ROBO2: variants seen among roughly 807,000 people sequenced by gnomAD.
ROBO2 encodes the protein roundabout guidance receptor 2.
A neutral mutation model predicts 160.8 loss-of-function variants in ROBO2; 53 were observed. That is an observed-to-expected ratio of 0.33 (90% confidence interval 0.26 to 0.41). ROBO2 has a LOEUF of 0.41. ROBO2 is among the 10% of genes least tolerant of loss of function. ROBO2 has a pLI of 1.00. For missense variants in ROBO2, 1,577 were observed against 1,722.4 expected (o/e 0.92, Z 1.49); for synonymous variants, 664 against 611.7 (o/e 1.09, Z -1.26).
chr3:77,114,630 A>G (rs1261797472), intron 2 of ROBO2, among the ~76,000 whole-genome samples: 1 of 152,166 alleles, frequency 6.6e-6, no homozygotes, highest in Non-Finnish European at 1.5e-5. Flanking sequence ...GGTCTAAGGC[A>G]AATGGTTTTT....
intron 5 of ROBO2, among the ~76,000 whole-genome samples, chr3:77,514,097 G>T (rs2089729426): frequency 6.6e-6 from 1 of 150,824 alleles, no homozygotes. Flanking sequence ...CTTCTACATT[G>T]ACACTGATCA....
intron 2 of ROBO2, among the ~76,000 whole-genome samples, chr3:76,478,019 TTTA>T (rs147308707): frequency 1.8e-4 from 27 of 148,924 alleles, no homozygotes; most frequent in African/African-American, 2.2e-4. Context: ...CCGCTACTTC[TTTA>T]TTATTATTAT....
rs531694433 is a variant in ROBO2, at chr3:77,198,139, T to G, written c.388+99799T>G. ...AATGAATCGATTACTACGGGCACAG[T>G]TTTTCAAATTTTGATAACCCATAAG... On this transcript the variant is annotated intron_variant, in intron 2 of 25. Transcript: ENST00000461745. 5.3e-5 allele frequency among the ~76,000 whole-genome samples: 8 copies of G among 152,268 alleles called. No individual in the cohort carries two copies. In the South Asian group the frequency reaches 1.5e-3, roughly 28 times the overall value.
intron 5 of ROBO2, among the ~76,000 whole-genome samples, chr3:77,516,476 A>G (rs1420759174): frequency 6.6e-6 from 1 of 151,656 alleles, no homozygotes; most frequent in Non-Finnish European, 1.5e-5. Context: ...AAAGCATGGA[A>G]CAAAACACAA....
intron 2 of ROBO2, among the ~76,000 whole-genome samples, chr3:75,984,244 G>C (rs1272982525): frequency 1.3e-5 from 2 of 151,580 alleles, no homozygotes; most frequent in Non-Finnish European, 3.0e-5. Context: ...CTTTAAAGGA[G>C]TTATTAGACT....
rs141808668 is a variant in ROBO2 at position 77,386,104 on chromosome 3, G to A, written c.389-91310G>A. Among the ~76,000 whole-genome samples, 264 of 152,204 alleles carry A rather than the reference G, an allele frequency of 1.7e-3. 2 individuals carry two copies. Among genetic ancestry groups the A allele is most frequent in the African/African-American group, 6.0e-3 (248 of 41,518 alleles). The stretch of plus-strand genomic sequence containing the variant: ...ATATGCTTAACAGTACATCCACTGC[G>A]TACTGTGCTAAGTATTTTACCTGCA... On this transcript the variant is annotated intron_variant, in intron 2 of 25. Transcript: ENST00000461745.
rs111511856 is a variant in ROBO2 at position 75,913,949 on chromosome 3, G to T, written c.-14+6989G>T. On this transcript the variant is annotated intron_variant, in intron 1 of 26. Transcript: ENST00000487694. ...ATAGACTTCTAGAAGAAATTTAATG[G>T]TCATGTCAGCCTTTGAAATCTTTCT... is the stretch of plus-strand genomic sequence containing the variant. Among the ~76,000 whole-genome samples the T allele has an allele frequency of 3.3e-3, 506 of 152,156 alleles. 1 individual carries two copies. The highest frequency in any genetic ancestry group is 0.012 in the African/African-American group (494 of 41,540).
chr3:76,079,912 T>A (rs1356045586), intron 2 of ROBO2, among the ~76,000 whole-genome samples: 1 of 152,102 alleles, frequency 6.6e-6, no homozygotes, highest in African/African-American at 2.4e-5. Flanking sequence ...AATCTTGTAA[T>A]CTGGAAAATG....
chr3:76,269,725 T>A (rs570497722), intron 2 of ROBO2, among the ~76,000 whole-genome samples: 1 of 152,198 alleles, frequency 6.6e-6, no homozygotes, highest in Admixed American at 6.5e-5. Context: ...GCTTTCAGAT[T>A]TTTATGAAAT....
chr3:77,120,981 G>A (rs1306213219), intron 2 of ROBO2, among the ~76,000 whole-genome samples: 4 of 152,064 alleles, frequency 2.6e-5, no homozygotes, highest in Non-Finnish European at 5.9e-5. Flanking sequence ...GTCTCACTTT[G>A]TCACCCAGGC....
chr3:77,089,905 G>A (rs1176641124), intron 1 of ROBO2, among the ~76,000 whole-genome samples: 1 of 152,172 alleles, frequency 6.6e-6, no homozygotes, highest in Non-Finnish European at 1.5e-5. Context: ...TTGATGGCAT[G>A]ATTCATTAAT....
chr3:77,530,368 A>G (rs1336577196), intron 6 of ROBO2, among the ~76,000 whole-genome samples: 1 of 152,010 alleles, frequency 6.6e-6, no homozygotes, highest in Non-Finnish European at 1.5e-5. Context: ...GTCTGTGTAG[A>G]AAGCCCCCTT....
chr3:77,182,143 A>G (rs919224844), intron 2 of ROBO2, among the ~76,000 whole-genome samples: 3 of 152,150 alleles, frequency 2.0e-5, no homozygotes, highest in Non-Finnish European at 1.5e-5. Context: ...TTTTGTAACC[A>G]TGATTAACAA....
chr3:76,748,538 T>A (rs1405441505), intron 2 of ROBO2, among the ~76,000 whole-genome samples: 1 of 151,582 alleles, frequency 6.6e-6, no homozygotes, highest in Non-Finnish European at 1.5e-5. Flanking sequence ...AAAATGTAAA[T>A]GAAACATTAA....
At chr3:76,160,931 G>A (rs12497612) in intron 2 of ROBO2, among the ~76,000 whole-genome samples, 9,795 of 152,036 alleles carry the variant, frequency 0.064, 505 homozygotes, top group African/African-American at 0.15. Context: ...AAGTTTTCTT[G>A]TAAAGATTCT....
At chr3:76,808,484 A>G (rs544632874) in intron 2 of ROBO2, among the ~76,000 whole-genome samples, 2 of 152,286 alleles carry the variant, frequency 1.3e-5, no homozygotes, top group African/African-American at 2.4e-5. Flanking sequence ...GTCTTCATGG[A>G]CCTGACAAAG....
intron 2 of ROBO2, among the ~76,000 whole-genome samples, chr3:76,246,004 A>G (rs1033576951): frequency 6.6e-6 from 1 of 152,156 alleles, no homozygotes; most frequent in Non-Finnish European, 1.5e-5. Context: ...TGAAAGGTAC[A>G]TATATATGCT....
chr3:77,119,781 A>G (rs554226347), intron 2 of ROBO2, among the ~76,000 whole-genome samples: 50 of 152,348 alleles, frequency 3.3e-4, no homozygotes, highest in African/African-American at 1.1e-3. Flanking sequence ...ATCCATTTTT[A>G]GAGGCTCTGG....
chr3:77,165,068 C>G (rs569519221), intron 2 of ROBO2, among the ~76,000 whole-genome samples: 1 of 151,920 alleles, frequency 6.6e-6, no homozygotes, highest in African/African-American at 2.4e-5. Flanking sequence ...GTGTGCCCAA[C>G]GGCTCATTGA....
Sources: allele counts gnomAD v4.1 joint callset (sites outside exome capture counted in the v4.1 genomes callset), GRCh38; gene constraint gnomAD v4.1.1; transcripts MANE v1.5; gene names NCBI Gene and HGNC (gene_info 2026-07-23, HGNC 2026-07-21).